The following ZBTB32 variants were observed in gnomAD, a reference collection of about 807,000 sequenced individuals.
ZBTB32 encodes the protein zinc finger and BTB domain containing 32, also known as zinc finger and BTB domain-containing protein 32.
ZBTB32 carries 28 observed loss-of-function variants against 45.3 expected under a neutral mutation model. That is an observed-to-expected ratio of 0.62 (90% confidence interval 0.46 to 0.85). The LOEUF is 0.85. Among genes scored for constraint, ZBTB32 ranks in the 40% least tolerant of loss-of-function variants. ZBTB32 has a pLI of 0.00. For missense variants in ZBTB32, 587 were observed against 624.4 expected, an observed-to-expected ratio of 0.94 and a Z score of 0.64; for synonymous variants, 283 against 255.7, an observed-to-expected ratio of 1.11 and a Z score of -1.02.
chr19:35,715,286 G>C lies in ZBTB32; in HGVS notation c.660G>C (p.Gly220=). Reference sequence around the variant, plus strand: ...TCACGTGGTTGAGGGAAAATCCAGGGGGCTCTGAGGAAAGTCTGCGCAAGC... The same window carrying C: ...TCACGTGGTTGAGGGAAAATCCAGGCGGCTCTGAGGAAAGTCTGCGCAAGC... ...GVLTWLRENP[G]GSEESLRKLP... is the part of the protein sequence containing the mutation. The change falls in exon 3 of 7, where the codon GGG becomes GGC. Residue 220 remains glycine (G), a synonymous_variant. Coordinates refer to ENST00000392197, the MANE Select transcript of ZBTB32 (RefSeq NM_014383.3). The C allele has an allele frequency of 6.3e-7, 1 of 1,582,144 alleles. No homozygotes were observed. The highest frequency in any genetic ancestry group is 2.2e-5 in the East Asian group (1 of 44,590).
chr19:35,713,270 T>C (rs1365229246), intron 2 of ZBTB32: 1 of 152,212 alleles, frequency 6.6e-6, no homozygotes. Context: ...GGGTGGTCTC[T>C]CCTGCAGGCA....
At chr19:35,710,848 G>A (rs563617974) in intron 1 of ZBTB32, among the ~76,000 whole-genome samples, 14 of 152,336 alleles carry the variant, frequency 9.2e-5, no homozygotes, top group African/African-American at 3.4e-4. Context: ...GATGGCTTGG[G>A]TTGCACTGTC....
chr19:35,716,860 C>A lies in ZBTB32; in HGVS notation c.*108C>A. ...CTACGGCGGCCTAGCAAATTCCGCC[C>A]CAGAAGCGCCCCAGGAAGGGCGCCG... On this transcript the variant is annotated 3_prime_UTR_variant, in exon 7 of 7. Coordinates refer to ENST00000392197, the MANE Select transcript of ZBTB32 (RefSeq NM_014383.3). 1 of 1,362,214 alleles carries A rather than the reference C, an allele frequency of 7.3e-7. No homozygotes were observed. The highest frequency in any genetic ancestry group is 9.9e-7 in the Non-Finnish European group (1 of 1,006,094). 84.4% of individuals were successfully genotyped at this position (1,362,214 alleles called of 1,614,324 possible).
chr19:35,709,788 A>G (rs1189742498), intron 1 of ZBTB32, among the ~76,000 whole-genome samples: 1 of 152,034 alleles, frequency 6.6e-6, no homozygotes, highest in Non-Finnish European at 1.5e-5. Flanking sequence ...CTGAGGCAGG[A>G]GAATCACTTG....
intron 1 of ZBTB32, among the ~76,000 whole-genome samples, chr19:35,712,103 A>C (rs1321313067): frequency 2.6e-5 from 4 of 151,006 alleles, no homozygotes; most frequent in Admixed American, 2.6e-4. Context: ...GCAGCTTACC[A>C]GTACCTGACT....
rs1170787726 is a variant in ZBTB32 at position 35,714,836 on chromosome 19, C to G, written c.210C>G (p.Thr70=). The G allele has an allele frequency of 8.1e-6, 13 of 1,612,792 alleles. No homozygotes were observed. Among genetic ancestry groups the G allele is most frequent in the Non-Finnish European group, 1.1e-5 (13 of 1,179,234 alleles). ...WALGEGISPS[T]FAQLLNFVYG... is the part of the protein sequence containing the mutation. ...TGGGAGAAGGCATCAGCCCTTCTAC[C>G]TTTGCCCAGCTCCTGAACTTTGTGT... Residue 70 remains threonine, a synonymous_variant, in exon 3 of 7, where the codon ACC becomes ACG. Transcript: ENST00000392197.
chr19:35,716,788 T>A lies in ZBTB32; in HGVS notation c.*36T>A. 1 of 1,574,892 alleles carries A rather than the reference T, an allele frequency of 6.3e-7. No homozygotes were observed. Among genetic ancestry groups the A allele is most frequent in the East Asian group, 2.3e-5 (1 of 44,022 alleles). ...GTAGCGTCTTAGCCAAGAGTCCAAT[T>A]AAAGAACGAAAAGCGGGCCGGCTCG... On this transcript the variant is annotated 3_prime_UTR_variant, in exon 7 of 7. Coordinates refer to ENST00000392197, the MANE Select transcript of ZBTB32 (RefSeq NM_014383.3).
At chr19:35,709,063 G>T (rs192196642) in intron 1 of ZBTB32, among the ~76,000 whole-genome samples, 7 of 151,974 alleles carry the variant, frequency 4.6e-5, no homozygotes, top group Admixed American at 4.6e-4. Context: ...CAGATGATCC[G>T]CTTGCCTCCA....
chr19:35,710,323 C>T (rs1285194101), intron 1 of ZBTB32, among the ~76,000 whole-genome samples: 1 of 152,212 alleles, frequency 6.6e-6, no homozygotes, highest in Non-Finnish European at 1.5e-5. Context: ...TCTCTACCTG[C>T]TCTACCCTCT....
At chr19:35,708,340 G>A (rs973651191) in intron 1 of ZBTB32, among the ~76,000 whole-genome samples, 4 of 152,164 alleles carry the variant, frequency 2.6e-5, no homozygotes, top group Admixed American at 6.5e-5. Flanking sequence ...CTCAGAGCAT[G>A]GTCCAGAAGT....
In ZBTB32 at chr19:35,716,253, T is replaced by G; in HGVS notation, c.1145T>G (p.Phe382Cys). Reference protein sequence around the residue: ...PYACSVCGKRFSLKHQMETHY... With the variant: ...PYACSVCGKRCSLKHQMETHY... Reference sequence around the variant, plus strand: ...GCGTGCTCTGTCTGTGGAAAGAGGTTTTCACTCAAGCATCAGATGGAGACG... The same window carrying G: ...GCGTGCTCTGTCTGTGGAAAGAGGTGTTCACTCAAGCATCAGATGGAGACG... The change falls in exon 6 of 7, where the codon TTT (phenylalanine) becomes TGT (cysteine). Residue 382 changes from phenylalanine (F) to cysteine (C), a missense_variant. Coordinates refer to ENST00000392197, the MANE Select transcript of ZBTB32 (RefSeq NM_014383.3). 1 of 1,613,798 alleles carries G rather than the reference T, an allele frequency of 6.2e-7. No homozygotes were observed. Among genetic ancestry groups the G allele is most frequent in the Non-Finnish European group, 8.5e-7 (1 of 1,179,932 alleles).
intron 1 of ZBTB32, among the ~76,000 whole-genome samples, chr19:35,706,764 T>TC (rs1423233577): frequency 6.6e-6 from 1 of 152,118 alleles, no homozygotes; most frequent in Non-Finnish European, 1.5e-5. Flanking sequence ...ACCCAGGTTG[T>TC]CTTTACTGAT....
At chr19:35,711,020 C>T (rs1968676800) in intron 1 of ZBTB32, among the ~76,000 whole-genome samples, 1 of 152,160 alleles carries the variant, frequency 6.6e-6, no homozygotes, top group Admixed American at 6.5e-5. Context: ...AGGGGAGTTC[C>T]CTTGCCCCTC....
At position 35,715,218 on chromosome 19, in the gene ZBTB32, G is replaced by A. The variant is rs1164133744; in HGVS notation, c.592G>A (p.Ala198Thr). The A allele has an allele frequency of 1.3e-5, 21 of 1,605,862 alleles. No individual in the cohort carries two copies. The highest frequency in any genetic ancestry group is 1.6e-5 in the Non-Finnish European group (19 of 1,177,842). ...CAGGTCAAAGGAGAAACGCCTCCAA[G>A]CCCCTGTTGGCCAAAGGGGAGCAGA... ...QTRSKEKRLQ[A>T]PVGQRGADGK... The change falls in exon 3 of 7, where the codon GCC (alanine) becomes ACC (threonine). Residue 198 changes from alanine to threonine, a missense_variant. Coordinates refer to ENST00000392197, the MANE Select transcript of ZBTB32 (RefSeq NM_014383.3).
Position 35,716,218 on chromosome 19 carries a change from T to C in ZBTB32, c.1110T>C (p.Ser370=). ...PHPPPAPPAR[S]RPYACSVCGK... ...CTCCCCCGGCCCCTCCTGCTCGGTC[T>C]CGGCCCTATGCGTGCTCTGTCTGTG... is the stretch of plus-strand genomic sequence containing the variant. The change falls in exon 6 of 7, where the codon TCT becomes TCC. Residue 370 remains serine, a synonymous_variant. Coordinates refer to ENST00000392197, the MANE Select transcript of ZBTB32 (RefSeq NM_014383.3). 1 of 1,613,958 alleles carries C rather than the reference T, an allele frequency of 6.2e-7. No individual in the cohort carries two copies.
Position 35,716,867 on chromosome 19 carries a change from C to G in ZBTB32, c.*115C>G. 2 of 1,329,592 alleles carry G rather than the reference C, an allele frequency of 1.5e-6. No homozygotes were observed. Among genetic ancestry groups the G allele is most frequent in the Non-Finnish European group, 2.0e-6 (2 of 978,682 alleles). 82.4% of individuals were successfully genotyped at this position (1,329,592 alleles called of 1,614,324 possible). Reference sequence around the variant, plus strand: ...GGCCTAGCAAATTCCGCCCCAGAAGCGCCCCAGGAAGGGCGCCGAGTGCCC... The same window carrying G: ...GGCCTAGCAAATTCCGCCCCAGAAGGGCCCCAGGAAGGGCGCCGAGTGCCC... On this transcript the variant is annotated 3_prime_UTR_variant, in exon 7 of 7. Coordinates refer to ENST00000392197, the MANE Select transcript of ZBTB32 (RefSeq NM_014383.3).
At chr19:35,711,962 T>C (rs1968709081) in intron 1 of ZBTB32, among the ~76,000 whole-genome samples, 1 of 131,080 alleles carries the variant, frequency 7.6e-6, no homozygotes, top group African/African-American at 3.0e-5. Flanking sequence ...GAGGCAGAGG[T>C]CGCAGTGAGC....
chr19:35,706,494 G>A (rs562419090), intron 1 of ZBTB32, among the ~76,000 whole-genome samples: 1 of 152,178 alleles, frequency 6.6e-6, no homozygotes, highest in East Asian at 1.9e-4. Flanking sequence ...GGCCGAGGCA[G>A]GTGGATCACC....
rs780542445 is a variant in ZBTB32 at position 35,714,643 on chromosome 19, T to A, written c.17T>A (p.Ile6Lys). 7 of 1,551,780 alleles carry A rather than the reference T, an allele frequency of 4.5e-6. No individual in the cohort carries two copies. The highest frequency in any genetic ancestry group is 6.1e-6 in the Non-Finnish European group (7 of 1,144,864). The change falls in exon 3 of 7, where the codon ATA becomes AAA. Residue 6 changes from isoleucine to lysine, a missense_variant. Coordinates refer to ENST00000392197, the MANE Select transcript of ZBTB32 (RefSeq NM_014383.3). ...CAAGGCACAATGTCCCTGCCCCCCA[T>A]AAGACTGCCCAGCCCCTATGGCTCT... Reference protein sequence around the residue: MSLPPIRLPSPYGSDR... With the variant: MSLPPKRLPSPYGSDR...
Sources: gnomAD v4.1 joint callset for allele counts (sites outside exome capture counted in the v4.1 genomes callset) on GRCh38, gnomAD v4.1.1 for gene constraint, MANE v1.5 for transcripts, NCBI Gene and HGNC (gene_info 2026-07-23, HGNC 2026-07-21) for gene names.